TEX15: variants seen among roughly 807,000 people sequenced by gnomAD.
TEX15 encodes the protein testis-expressed protein 15.
Under a neutral mutation model 237.3 loss-of-function variants are expected in TEX15, and 171 were observed. The ratio of observed to expected loss-of-function variants is 0.72; its 90% CI spans 0.64 to 0.82. TEX15 has a LOEUF of 0.82. TEX15 is among the 40% of genes least tolerant of loss of function. The probability of loss-of-function intolerance (pLI) is 0.00; values close to 1 mark genes in which losing one functional copy is unlikely to be tolerated. For synonymous variants in TEX15, 1,338 were observed against 1,269.8 expected (o/e 1.05, Z -1.14); for missense variants, 3,750 against 3,646.5 (o/e 1.03, Z -0.73).
chr8:30,887,440 TTCCATC>T, intron 2 of TEX15, 129 bp from the exon 3 acceptor site: 4 of 919,262 alleles, frequency 4.4e-6, no homozygotes, highest in Non-Finnish European at 6.0e-6. Flanking sequence ...GTCAGAAAGT[TTCCATC>T]TCAATTTGCC....
chr8:30,912,653 GCCCTC>G (rs1246689782), intron 1 of TEX15, among the ~76,000 whole-genome samples: 1 of 152,190 alleles, frequency 6.6e-6, no homozygotes, highest in African/African-American at 2.4e-5. Context: ...GGCTGCCCTG[GCCCTC>G]GGAGGCCCAC....
intron 1 of TEX15, among the ~76,000 whole-genome samples, chr8:30,907,561 TATA>T (rs1486540709): frequency 4.2e-5 from 5 of 118,982 alleles, no homozygotes; most frequent in South Asian, 2.3e-4. Context: ...AAAATTTATA[TATA>T]ATTTATTATA....
Position 30,849,185 on chromosome 8 carries a change from G to C in TEX15, c.982C>G (p.Leu328Val), listed in dbSNP as rs1364629793. ...FVQENCLCNA[L>V]NSEINPFISN... The stretch of plus-strand genomic sequence containing the variant: ...ATGAAAGGATTTATCTCTGAATTTA[G>C]TGCATTGCATAAACAGTTTTCTTGA... The change falls in exon 8 of 11, where the codon CTA (leucine) becomes GTA (valine). Residue 328 changes from leucine (L) to valine (V), a missense_variant. Leu to Val is a conservative substitution (Grantham distance 32). Transcript: ENST00000643185. The C allele has an allele frequency of 2.6e-6, 4 of 1,539,914 alleles. No individual in the cohort carries two copies. The highest frequency in any genetic ancestry group is 2.4e-5 in the East Asian group (1 of 41,030).
chr8:30,847,558 T>C lies in TEX15; in HGVS notation c.2609A>G (p.Asn870Ser), dbSNP rs1807649775. 3 of 1,612,954 alleles carry C rather than the reference T, an allele frequency of 1.9e-6. No individual in the cohort carries two copies. The South Asian group carries it at 3.3e-5, about 18-fold the overall frequency. Reference protein sequence around the residue: ...DRENQNEAKENSASCVENNIE... With the variant: ...DRENQNEAKESSASCVENNIE... ...GTTGTTTTCTACACATGAAGCACTATTCTCTTTAGCCTCATTTTGGTTTTC... is the reference window on the plus strand; with the variant it reads ...GTTGTTTTCTACACATGAAGCACTACTCTCTTTAGCCTCATTTTGGTTTTC... The change falls in exon 8 of 11, where the codon AAT (asparagine) becomes AGT (serine). Residue 870 changes from asparagine to serine, a missense_variant. Coordinates refer to ENST00000643185, the MANE Select transcript of TEX15 (RefSeq NM_001350162.2).
chr8:30,876,947 C>T (rs1477174885), intron 3 of TEX15, among the ~76,000 whole-genome samples: 1 of 152,104 alleles, frequency 6.6e-6, no homozygotes, highest in Non-Finnish European at 1.5e-5. Context: ...GCCTTTCCCT[C>T]CTTGCTGAGC....
intron 7 of TEX15, among the ~76,000 whole-genome samples, chr8:30,850,948 A>C (rs932802937): frequency 6.6e-6 from 1 of 152,174 alleles, no homozygotes; most frequent in Admixed American, 6.5e-5. Flanking sequence ...ATTAAAAAAA[A>C]CTTTTTAAAC....
At chr8:30,881,141 C>T (rs1808510626) in intron 3 of TEX15, among the ~76,000 whole-genome samples, 3 of 152,152 alleles carry the variant, frequency 2.0e-5, no homozygotes, top group African/African-American at 7.2e-5. Flanking sequence ...AAATATTGAA[C>T]TCCATTTGCT....
In TEX15 at chr8:30,848,410, G is replaced by A. The variant is rs763197864; in HGVS notation, c.1757C>T (p.Ser586Phe). 6.2e-7 allele frequency: 1 copy of A among 1,614,132 alleles called. No individual in the cohort carries two copies. Among genetic ancestry groups the A allele is most frequent in the South Asian group, 1.1e-5 (1 of 91,068 alleles). Residue 586 changes from serine to phenylalanine, a missense_variant, in exon 8 of 11, where the codon TCT (serine) becomes TTT (phenylalanine). Transcript: ENST00000643185. ...CTGATAAATTGTTTTTAAATCAGAA[G>A]ACTGCGAGTCCTGAAAAATGTGACT... ...YSSHIFQDSQ[S>F]SDLKTIYQTG...
At chr8:30,905,233 A>T (rs548524183) in intron 1 of TEX15, among the ~76,000 whole-genome samples, 5 of 151,678 alleles carry the variant, frequency 3.3e-5, no homozygotes, top group African/African-American at 1.2e-4. Context: ...GAATTATACC[A>T]AATAGACCAA....
At chr8:30,852,569 C>A (rs1432577393) in intron 7 of TEX15, among the ~76,000 whole-genome samples, 1 of 152,008 alleles carries the variant, frequency 6.6e-6, no homozygotes, top group East Asian at 1.9e-4. Context: ...GCATTCTCAT[C>A]AAATGACAAT....
Position 30,843,375 on chromosome 8 carries a change from A to G in TEX15, c.6792T>C (p.Leu2264=), listed in dbSNP as rs957002411. The G allele has an allele frequency of 1.2e-6, 2 of 1,612,830 alleles. No homozygotes were observed. Among genetic ancestry groups the G allele is most frequent in the South Asian group, 1.1e-5 (1 of 91,036 alleles). The stretch of plus-strand genomic sequence containing the variant: ...CAAAAAAGATATGTTCCAGACCATA[A>G]AGAGATATTTTAACACGTACTGCCT... ...NNEAVRVKIS[L]YGLEHIFFDA... Residue 2264 remains leucine (L), a synonymous_variant, in exon 8 of 11, where the codon CTT becomes CTC. Transcript: ENST00000643185.
chr8:30,887,121 A>C, intron 3 of TEX15, 46 bp downstream of exon 3: 1 of 1,455,328 alleles, frequency 6.9e-7, no homozygotes, highest in Non-Finnish European at 9.1e-7. Flanking sequence ...AATCAGAGAA[A>C]TACAGTAATA....
intron 2 of TEX15, chr8:30,888,759 A>C: frequency 1.2e-6 from 1 of 863,406 alleles, no homozygotes; most frequent in Non-Finnish European, 1.7e-6. Context: ...TAAGGTTCTA[A>C]GAAGGTTCAC....
At chr8:30,838,697 TACACACACACAC>T (rs3078152) in intron 9 of TEX15, among the ~76,000 whole-genome samples, 1 of 134,928 alleles carries the variant, frequency 7.4e-6, no homozygotes, top group Admixed American at 7.5e-5. Flanking sequence ...ATTATATATA[TACACACACACAC>T]ACACACACAT....
In TEX15 at chr8:30,836,817, ACTTCTGGAGG is replaced by A. The variant is rs746421073; in HGVS notation, c.9457_9466del (p.Pro3153PhefsTer44). 1 of 1,603,296 alleles carries A rather than the reference ACTTCTGGAGG, an allele frequency of 6.2e-7. No individual in the cohort carries two copies. Among genetic ancestry groups the A allele is most frequent in the South Asian group, 1.1e-5 (1 of 89,086 alleles). On this transcript the variant is annotated frameshift_variant, in exon 10 of 11. Coordinates refer to ENST00000643185, the MANE Select transcript of TEX15 (RefSeq NM_001350162.2). LOFTEE classifies it high-confidence loss of function. ...GTGAAACTCACCATAAACCCAAGGA[ACTTCTGGAGG>A]CACAAATCGATTAGGAAGGTAAGGG... is the stretch of plus-strand genomic sequence containing the variant.
In TEX15 at chr8:30,867,343, A is replaced by T; in HGVS notation, c.462T>A (p.Tyr154Ter). 1 of 1,527,712 alleles carries T rather than the reference A, an allele frequency of 6.5e-7. No individual in the cohort carries two copies. 94.6% of individuals were successfully genotyped at this position (1,527,712 alleles called of 1,614,324 possible). Residue 154 changes from tyrosine to a stop codon, truncating the protein, a stop_gained, in exon 5 of 11, where the codon TAT (tyrosine) becomes TAA (stop). Coordinates refer to ENST00000643185, the MANE Select transcript of TEX15 (RefSeq NM_001350162.2). LOFTEE classifies it high-confidence loss of function. Reference sequence around the variant, plus strand: ...AGGCAATATCAACATGTCTAAACATATAAATTCCAAGAAGAGGATTTCCTA... The same window carrying T: ...AGGCAATATCAACATGTCTAAACATTTAAATTCCAAGAAGAGGATTTCCTA... ...KILGNPLLGI[Y>*]MFRHVDIALN...
Position 30,847,141 on chromosome 8 carries a change from T to G in TEX15, c.3026A>C (p.Glu1009Ala), listed in dbSNP as rs759328720. The change falls in exon 8 of 11, where the codon GAA (glutamate) becomes GCA (alanine). Residue 1009 changes from glutamate (E) to alanine (A), a missense_variant. Glu to Ala is a moderately radical substitution (Grantham distance 107). Transcript: ENST00000643185. ...NDDHQIYQFK[E>A]TCSSESPDFG... ...ATCTGGACTTTCAGAAGAACAAGTT[T>G]CTTTAAACTGGTATATCTGGTGATC... The G allele has an allele frequency of 1.2e-6, 2 of 1,613,854 alleles. No individual in the cohort carries two copies. Among genetic ancestry groups the G allele is most frequent in the Non-Finnish European group, 1.7e-6 (2 of 1,179,866 alleles).
At chr8:30,875,477 C>T (rs925236948) in intron 3 of TEX15, among the ~76,000 whole-genome samples, 2 of 152,172 alleles carry the variant, frequency 1.3e-5, no homozygotes, top group African/African-American at 4.8e-5. Context: ...AGGCAATCTG[C>T]ACATTAGAAA....
chr8:30,858,468 C>A (rs961580504), intron 7 of TEX15, among the ~76,000 whole-genome samples, 200 bp downstream of exon 7: 2 of 152,204 alleles, frequency 1.3e-5, no homozygotes, highest in East Asian at 3.9e-4. Context: ...CACAACACCA[C>A]ACCTGGCTAA....
Sources: allele counts gnomAD v4.1 joint callset (sites outside exome capture counted in the v4.1 genomes callset), GRCh38; gene constraint gnomAD v4.1.1; transcripts MANE v1.5; gene names NCBI Gene and HGNC (gene_info 2026-07-23, HGNC 2026-07-21).